Variants in ANKDD1B observed in about 807,000 individuals in gnomAD.
ANKDD1B encodes the protein ankyrin repeat and death domain containing 1B.
Under a neutral mutation model 59.7 loss-of-function variants are expected in ANKDD1B, and 57 were observed. The observed-to-expected ratio is 0.95, with a 90% confidence interval of 0.77 to 1.19. ANKDD1B has a LOEUF of 1.19. Ranked by LOEUF, ANKDD1B falls within the 50% of genes most tolerant of loss-of-function variation. The probability of loss-of-function intolerance (pLI) is 0.00; values close to 1 mark genes in which losing one functional copy is unlikely to be tolerated. For synonymous variants in ANKDD1B, 216 were observed against 239.5 expected (o/e 0.90, Z 0.91); for missense variants, 602 against 641.9 (o/e 0.94, Z 0.67).
intron 3 of ANKDD1B, among the ~76,000 whole-genome samples, chr5:75,623,777 G>A (rs779433913): frequency 5.3e-5 from 8 of 151,998 alleles, no homozygotes; most frequent in Non-Finnish European, 1.2e-4. Flanking sequence ...CCCCACCCAC[G>A]GCATGACAGT....
intron 7 of ANKDD1B, among the ~76,000 whole-genome samples, chr5:75,642,287 CG>C (rs1173788297): frequency 1.3e-5 from 2 of 152,010 alleles, no homozygotes; most frequent in Non-Finnish European, 2.9e-5. Context: ...CAGCTCCCAG[CG>C]TGAGCGACGC....
intron 7 of ANKDD1B, among the ~76,000 whole-genome samples, chr5:75,637,666 T>A (rs1445713541): frequency 6.6e-6 from 1 of 152,220 alleles, no homozygotes; most frequent in Non-Finnish European, 1.5e-5. Flanking sequence ...GTTTAGACTT[T>A]TAGTTTTTTA....
intron 7 of ANKDD1B, among the ~76,000 whole-genome samples, chr5:75,651,301 A>T (rs1774825591): frequency 1.3e-5 from 2 of 152,238 alleles, no homozygotes; most frequent in African/African-American, 2.4e-5. Flanking sequence ...TATTTGGAAG[A>T]TGTGAAAATA....
Position 75,620,325 on chromosome 5 carries a change from C to A in ANKDD1B, c.308C>A (p.Thr103Lys), listed in dbSNP as rs1325103719. Residue 103 changes from threonine to lysine, a missense_variant, in exon 3 of 14, where the codon ACA (threonine) becomes AAA (lysine). This residue lies in a region of ANKDD1B where 317 missense variants were observed against 304.6 expected (regional missense o/e 1.04). Transcript: ENST00000601380. ...ATTATGCTTCCTCAGATGAACCGCACAGCCCTGCATTTTGCAGTGGGGAGA... is the reference window on the plus strand; with the variant it reads ...ATTATGCTTCCTCAGATGAACCGCAAAGCCCTGCATTTTGCAGTGGGGAGA... ...NINVVNNMNR[T>K]ALHFAVGRNH... 2 of 1,523,334 alleles carry A rather than the reference C, an allele frequency of 1.3e-6. No individual in the cohort carries two copies. The highest frequency in any genetic ancestry group is 1.8e-6 in the Non-Finnish European group (2 of 1,136,544). The allele number at this position is 1,523,334 out of a possible 1,614,324, so 94.4% of individuals were successfully genotyped here. A position where few individuals can be genotyped will look rare whatever the true frequency, so the allele number is the denominator to read the frequency against.
chr5:75,635,267 TCTC>T, intron 6 of ANKDD1B: 1 of 308,674 alleles, frequency 3.2e-6, no homozygotes, highest in South Asian at 5.9e-5. Context: ...CCACCCCTCT[TCTC>T]TCCTCCCATG....
At position 75,630,740 on chromosome 5, in the gene ANKDD1B, C is replaced by T. The variant is rs183028448; in HGVS notation, c.601-4158C>T. On this transcript the variant is annotated intron_variant, in intron 5 of 13. Transcript: ENST00000601380. ...AGCAAAGAAGGTAATTTATTAACTT[C>T]GAACTAAAGAGTTTGAGGGTGTATC... Among the ~76,000 whole-genome samples, 450 of 152,304 alleles carry T rather than the reference C, an allele frequency of 3.0e-3. 1 individual carries two copies. The highest frequency in any genetic ancestry group is 5.4e-3 in the Non-Finnish European group (369 of 68,028).
chr5:75,632,106 CA>C (rs529570814), intron 5 of ANKDD1B, among the ~76,000 whole-genome samples: 4,192 of 76,810 alleles, frequency 0.055, 158 homozygotes, highest in African/African-American at 0.17. Context: ...AACTCTGTCT[CA>C]AAAAAAAAAA....
chr5:75,663,427 A>G lies in ANKDD1B; in HGVS notation c.1129A>G (p.Ser377Gly). Residue 377 changes from serine (S) to glycine (G), a missense_variant, in exon 11 of 14, where the codon AGC (serine) becomes GGC (glycine). By Grantham distance (56) the Ser-to-Gly change is moderately conservative (BLOSUM62 0). Coordinates refer to ENST00000601380, the MANE Select transcript of ANKDD1B (RefSeq NM_001276713.2). ...GACTGCCCTGGCTGTGGCCTCCAGG[A>G]GCAACCATAGCCTTGTCGTGGGCAT... is the stretch of plus-strand genomic sequence containing the variant. The part of the protein sequence containing the change: ...GKTALAVASR[S>G]NHSLVVGMLI... 2.0e-6 allele frequency: 3 copies of G among 1,536,322 alleles called. No homozygotes were observed. In the South Asian group the frequency reaches 3.6e-5, roughly 18 times the overall value.
intron 3 of ANKDD1B, among the ~76,000 whole-genome samples, chr5:75,621,011 A>T (rs1773833811): frequency 6.6e-6 from 1 of 152,126 alleles, no homozygotes; most frequent in Non-Finnish European, 1.5e-5. Context: ...GTAACAAGAG[A>T]ACATTTGGAT....
rs55640131 is a variant in ANKDD1B at position 75,637,240 on chromosome 5, C to CAAAAAAAAAAAAAAAAAAAA, written c.798+1372_798+1391dup. Among the ~76,000 whole-genome samples the CAAAAAAAAAAAAAAAAAAAA allele has an allele frequency of 1.6e-3, 110 of 69,926 alleles. 1 individual carries two copies. Among genetic ancestry groups the CAAAAAAAAAAAAAAAAAAAA allele is most frequent in the Non-Finnish European group, 2.1e-3 (83 of 40,418 alleles). 45.9% of individuals were successfully genotyped at this position (69,926 alleles called of 152,430 possible). On this transcript the variant is annotated intron_variant, in intron 7 of 13. Coordinates refer to ENST00000601380, the MANE Select transcript of ANKDD1B (RefSeq NM_001276713.2). The stretch of plus-strand genomic sequence containing the variant: ...AGCCTGGGCGACAGAGACTCTGTCT[C>CAAAAAAAAAAAAAAAAAAAA]AAAAAAAAAAAAAAAAAAAAAAAAA...
chr5:75,620,865 T>C (rs1773829331), intron 3 of ANKDD1B, among the ~76,000 whole-genome samples: 2 of 152,208 alleles, frequency 1.3e-5, no homozygotes. Context: ...ATCGTCTCCA[T>C]GATCAGCTCC....
At chr5:75,619,196 A>G (rs182548527) in intron 2 of ANKDD1B, among the ~76,000 whole-genome samples, 6 of 152,244 alleles carry the variant, frequency 3.9e-5, no homozygotes, top group African/African-American at 1.4e-4. Context: ...TGTATACCTG[A>G]TAACAAAAAC....
intron 7 of ANKDD1B, among the ~76,000 whole-genome samples, chr5:75,640,954 G>A (rs140482806): frequency 1.3e-5 from 2 of 152,286 alleles, no homozygotes; most frequent in African/African-American, 4.8e-5. Flanking sequence ...GCAAGTACTT[G>A]TCACTTCTTA....
intron 5 of ANKDD1B, among the ~76,000 whole-genome samples, chr5:75,629,627 T>G (rs995079661): frequency 6.6e-6 from 1 of 151,420 alleles, no homozygotes; most frequent in African/African-American, 2.4e-5. Context: ...AAAAATTAAA[T>G]GCATTGAGTT....
At chr5:75,659,911 T>C (rs933788967) in intron 10 of ANKDD1B, among the ~76,000 whole-genome samples, 13 of 152,140 alleles carry the variant, frequency 8.5e-5, no homozygotes, top group Admixed American at 7.9e-4. Flanking sequence ...TATTACTACA[T>C]GGAGAGTTTC....
At chr5:75,651,444 C>T (rs77344353) in intron 7 of ANKDD1B, among the ~76,000 whole-genome samples, 4,259 of 152,266 alleles carry the variant, frequency 0.028, 188 homozygotes, top group African/African-American at 0.096. Flanking sequence ...GCAGTGTGCC[C>T]GACTCCTTGG....
At chr5:75,616,998 C>T (rs937142761) in intron 2 of ANKDD1B, 91 bp downstream of exon 2, 2 of 613,402 alleles carry the variant, frequency 3.3e-6, no homozygotes, top group East Asian at 2.9e-5. Context: ...AAATAAAAAT[C>T]ATGGTGCTGG....
At chr5:75,624,064 A>G (rs1773925807) in intron 3 of ANKDD1B, among the ~76,000 whole-genome samples, 2 of 152,254 alleles carry the variant, frequency 1.3e-5, no homozygotes, top group African/African-American at 4.8e-5. Flanking sequence ...AACAGTTTCC[A>G]GATCACAAAC....
At chr5:75,627,659 T>C (rs1411584483) in intron 5 of ANKDD1B, among the ~76,000 whole-genome samples, 1 of 152,256 alleles carries the variant, frequency 6.6e-6, no homozygotes, top group Non-Finnish European at 1.5e-5. Context: ...GTGTGGCCAA[T>C]GAATGAATTC....
Sources: gnomAD v4.1 joint callset for allele counts (sites outside exome capture counted in the v4.1 genomes callset) on GRCh38, gnomAD v4.1.1 for gene constraint, gnomAD v4.1.1 regional missense constraint, MANE v1.5 for transcripts, NCBI Gene and HGNC (gene_info 2026-07-23, HGNC 2026-07-21) for gene names.